The following GRIP1 variants were observed in gnomAD, a reference collection of about 807,000 sequenced individuals.
GRIP1 encodes the protein glutamate receptor-interacting protein 1.
In GRIP1, 45 loss-of-function variants were observed where a neutral mutation model predicts 129.9. That is an observed-to-expected ratio of 0.35 (90% CI 0.27 to 0.44). The LOEUF is 0.44. Among genes scored for constraint, GRIP1 ranks in the 20% least tolerant of loss-of-function variants. The pLI is 1.00. For missense variants in GRIP1, 1,196 were observed against 1,396.8 expected, an observed-to-expected ratio of 0.86 and a Z score of 2.29; for synonymous variants, 530 against 520.8, an observed-to-expected ratio of 1.02 and a Z score of -0.24.
intron 1 of GRIP1, among the ~76,000 whole-genome samples, chr12:66,769,444 A>T (rs1018007676): frequency 1.3e-5 from 2 of 151,978 alleles, no homozygotes; most frequent in Non-Finnish European, 2.9e-5. Flanking sequence ...GTTCTCCCCT[A>T]ATAACCAAAA....
chr12:66,533,330 C>G (rs1281752747), intron 4 of GRIP1, among the ~76,000 whole-genome samples: 1 of 151,990 alleles, frequency 6.6e-6, no homozygotes, highest in Non-Finnish European at 1.5e-5. Flanking sequence ...GCCACCACAG[C>G]TGGCCTAGAC....
chr12:66,868,831 C>T (rs141392602), intron 1 of GRIP1, among the ~76,000 whole-genome samples: 2 of 152,106 alleles, frequency 1.3e-5, no homozygotes, highest in Admixed American at 1.3e-4. Context: ...TTGGAATACA[C>T]TTGAGAGTCT....
At chr12:66,785,343 C>CATACATACATACATACATATATAT (rs377630345) in intron 1 of GRIP1, among the ~76,000 whole-genome samples, 5 of 72,786 alleles carry the variant, frequency 6.9e-5, no homozygotes, top group African/African-American at 1.5e-4. Flanking sequence ...TACATACATA[C>CATACATACATACATACATATATAT]ATATATATAT....
intron 11 of GRIP1, 74 bp from the exon 12 acceptor site, chr12:66,445,582 T>C: frequency 9.4e-7 from 1 of 1,066,366 alleles, no homozygotes; most frequent in Non-Finnish European, 1.4e-6. Flanking sequence ...CCAAAATAGA[T>C]CATGTCTCTG....
chr12:66,417,827 T>A (rs956865518), intron 15 of GRIP1, among the ~76,000 whole-genome samples: 1 of 152,084 alleles, frequency 6.6e-6, no homozygotes, highest in Non-Finnish European at 1.5e-5. Flanking sequence ...GTTTATAAAC[T>A]AGAAGGATCA....
chr12:66,996,368 TA>T (rs376907985), intron 1 of GRIP1, among the ~76,000 whole-genome samples: 17,806 of 142,150 alleles, frequency 0.13, 1,198 homozygotes, highest in African/African-American at 0.2. Flanking sequence ...CTTTCACAAT[TA>T]AAAAAAAAAA....
chr12:66,588,090 G>A (rs1210283389), intron 2 of GRIP1, among the ~76,000 whole-genome samples: 5 of 151,570 alleles, frequency 3.3e-5, no homozygotes, highest in African/African-American at 9.7e-5. Context: ...TCATTTTCTC[G>A]GTGTTATTTT....
At chr12:67,010,114 A>C (rs901437119) in intron 1 of GRIP1, among the ~76,000 whole-genome samples, 1 of 152,168 alleles carries the variant, frequency 6.6e-6, no homozygotes, top group Non-Finnish European at 1.5e-5. Context: ...CTAATTTTCT[A>C]TAGATTTTAA....
At chr12:66,445,231 G>T in intron 12 of GRIP1, 91 bp downstream of exon 12, 2 of 1,012,466 alleles carry the variant, frequency 2.0e-6, no homozygotes, top group Non-Finnish European at 3.1e-6. Context: ...TTCCTGCATT[G>T]AGCAATGTTT....
At chr12:66,532,423 T>C (rs1489675682) in intron 4 of GRIP1, among the ~76,000 whole-genome samples, 1 of 152,254 alleles carries the variant, frequency 6.6e-6, no homozygotes, top group Non-Finnish European at 1.5e-5. Context: ...CCCTTCTTTC[T>C]ACATGTGGAT....
At chr12:67,028,009 A>G (rs2042964321) in intron 1 of GRIP1, among the ~76,000 whole-genome samples, 2 of 152,186 alleles carry the variant, frequency 1.3e-5, no homozygotes, top group African/African-American at 2.4e-5. Context: ...TGTAGGTAAC[A>G]TACATACTCA....
chr12:66,528,903 G>T (rs1254118493), intron 5 of GRIP1, among the ~76,000 whole-genome samples: 1 of 152,064 alleles, frequency 6.6e-6, no homozygotes, highest in East Asian at 1.9e-4. Flanking sequence ...TCCAACAAAG[G>T]ACTAATATCC....
intron 15 of GRIP1, among the ~76,000 whole-genome samples, chr12:66,408,884 G>T (rs2057291188): frequency 6.6e-6 from 1 of 152,170 alleles, no homozygotes; most frequent in Non-Finnish European, 1.5e-5. Context: ...ATCAGCAATA[G>T]CCAGGCAGTA....
intron 9 of GRIP1, among the ~76,000 whole-genome samples, chr12:66,461,622 G>A (rs2059139169): frequency 6.6e-6 from 1 of 152,192 alleles, no homozygotes; most frequent in Non-Finnish European, 1.5e-5. Context: ...TCTGATAAGG[G>A]TAATGTTGTA....
rs964082470 is a variant in GRIP1, at chr12:66,517,906, A to C, written c.573T>G (p.Ala191=). Residue 191 remains alanine, a synonymous_variant, in exon 6 of 25, where the codon GCT becomes GCG. Transcript: ENST00000359742. The stretch of plus-strand genomic sequence containing the variant: ...CACAGAAAGATAAAGTTTACCTGTC[A>C]GCAGGCCCTCCAGGACGAACACATG... ...VITCVRPGGP[A]DREGTIKPGD... 6.6e-7 allele frequency: 1 copy of C among 1,523,636 alleles called. No homozygotes were observed. The highest frequency in any genetic ancestry group is 9.1e-7 in the Non-Finnish European group (1 of 1,097,540). The allele number at this position is 1,523,636 out of a possible 1,614,324, so 94.4% of individuals were successfully genotyped here. A position where few individuals can be genotyped will look rare whatever the true frequency, so the allele number is the denominator to read the frequency against.
At chr12:66,574,734 C>T (rs2063080117) in intron 2 of GRIP1, among the ~76,000 whole-genome samples, 1 of 151,950 alleles carries the variant, frequency 6.6e-6, no homozygotes. Flanking sequence ...TGGTCAACTC[C>T]ACTCTACTTG....
At chr12:66,869,997 G>A (rs1275160446) in intron 1 of GRIP1, among the ~76,000 whole-genome samples, 3 of 152,064 alleles carry the variant, frequency 2.0e-5, no homozygotes, top group African/African-American at 4.8e-5. Flanking sequence ...GCTGTCTGGT[G>A]TGTTGCAGAA....
intron 1 of GRIP1, among the ~76,000 whole-genome samples, chr12:66,904,850 C>T (rs1023082472): frequency 1.3e-5 from 2 of 151,686 alleles, no homozygotes; most frequent in Non-Finnish European, 2.9e-5. Flanking sequence ...CAAGATTGCG[C>T]CACTGCACTC....
chr12:66,476,592 C>G (rs1051179306), intron 7 of GRIP1, among the ~76,000 whole-genome samples: 3 of 152,098 alleles, frequency 2.0e-5, no homozygotes, highest in Non-Finnish European at 4.4e-5. Context: ...AATTTTAGAC[C>G]AATATCCCTG....
Sources: allele counts gnomAD v4.1 joint callset (sites outside exome capture counted in the v4.1 genomes callset), GRCh38; gene constraint gnomAD v4.1.1; transcripts MANE v1.5; gene names NCBI Gene and HGNC (gene_info 2026-07-23, HGNC 2026-07-21).